FSTL4: variants seen among roughly 807,000 people sequenced by gnomAD.
FSTL4 encodes the protein follistatin like 4, also known as follistatin-related protein 4.
A neutral mutation model predicts 78.2 loss-of-function variants in FSTL4; 28 were observed. The observed-to-expected ratio is 0.36, with a 90% CI of 0.27 to 0.49. FSTL4 has a LOEUF of 0.49. Ranked by LOEUF, FSTL4 falls within the 20% of genes least tolerant of loss-of-function variation. The probability of loss-of-function intolerance (pLI) is 0.98; values close to 1 mark genes in which losing one functional copy is unlikely to be tolerated. For missense variants in FSTL4, 922 were observed against 1,084.9 expected, an observed-to-expected ratio of 0.85 and a Z score of 2.11; for synonymous variants, 422 against 440.5, an observed-to-expected ratio of 0.96 and a Z score of 0.53.
At chr5:133,441,336 C>T (rs977472689) in intron 3 of FSTL4, among the ~76,000 whole-genome samples, 1 of 152,172 alleles carries the variant, frequency 6.6e-6, no homozygotes, top group Non-Finnish European at 1.5e-5. Flanking sequence ...TTGCCCTGTG[C>T]ACTGACCAGA....
the FSTL4 span, among the ~76,000 whole-genome samples, chr5:133,736,621 C>T: frequency 1.3e-5 from 2 of 152,158 alleles, no homozygotes; most frequent in African/African-American, 4.8e-5. Flanking sequence ...AGACAAGAGA[C>T]ACCACGGGTC....
At chr5:133,449,223 C>T (rs767112783) in intron 3 of FSTL4, among the ~76,000 whole-genome samples, 48 of 152,306 alleles carry the variant, frequency 3.2e-4, no homozygotes, top group South Asian at 8.3e-4. Context: ...ACTGCCCCTT[C>T]GCGCCTCACC....
At chr5:133,540,865 C>A (rs1580776858) in intron 3 of FSTL4, among the ~76,000 whole-genome samples, 1 of 151,998 alleles carries the variant, frequency 6.6e-6, no homozygotes, top group Non-Finnish European at 1.5e-5. Flanking sequence ...CCAGAGGTGA[C>A]AATATTATTA....
chr5:133,537,436 G>A (rs977577217), intron 3 of FSTL4, among the ~76,000 whole-genome samples: 1 of 152,128 alleles, frequency 6.6e-6, no homozygotes, highest in African/African-American at 2.4e-5. Flanking sequence ...CATTTTGCAT[G>A]TTGATTTTGT....
chr5:133,791,328 A>G, the FSTL4 span, among the ~76,000 whole-genome samples: 6 of 151,516 alleles, frequency 4.0e-5, no homozygotes, highest in Middle Eastern at 3.4e-3. Context: ...ATCTCATCCT[A>G]CTCATTCTTG....
In FSTL4 at chr5:133,225,477, T is replaced by C. The variant is rs1195326788; in HGVS notation, c.1177+181A>G. On this transcript the variant is annotated intron_variant, in intron 9 of 15. Transcript: ENST00000265342. The surrounding 1 kb of genome is among the most constrained non-coding windows in gnomAD (Gnocchi z 4.6). ...GACCTGAGTGACAGCTTCTCATCAT[T>C]GCTGTCAGAAAGCCCCAAAAGATCT... Among the ~76,000 whole-genome samples, 3 of 152,142 alleles carry C rather than the reference T, an allele frequency of 2.0e-5. No homozygotes were observed. Among genetic ancestry groups the C allele is most frequent in the African/African-American group, 7.2e-5 (3 of 41,418 alleles).
At chr5:133,589,092 C>G (rs2112964227) in intron 2 of FSTL4, among the ~76,000 whole-genome samples, 1 of 40,558 alleles carries the variant, frequency 2.5e-5, no homozygotes, top group Admixed American at 2.7e-4. Flanking sequence ...ACAATGAGAT[C>G]ACATGGACAC....
At chr5:133,533,931 C>T (rs900875129) in intron 3 of FSTL4, among the ~76,000 whole-genome samples, 5 of 152,146 alleles carry the variant, frequency 3.3e-5, no homozygotes, top group African/African-American at 2.4e-5. Context: ...TCCTGCAGTG[C>T]TCCTCATCTA....
chr5:133,426,740 G>A lies in FSTL4; in HGVS notation c.161-25754C>T, dbSNP rs1756827497. Reference sequence around the variant, plus strand: ...CTGTTATTTCCCAGGGAGACAGTCAGCCAGTTCTGCTTTAATAATGCACTG... The same window carrying A: ...CTGTTATTTCCCAGGGAGACAGTCAACCAGTTCTGCTTTAATAATGCACTG... On this transcript the variant is annotated intron_variant, in intron 3 of 15. Coordinates refer to ENST00000265342, the MANE Select transcript of FSTL4 (RefSeq NM_015082.2). The surrounding 1 kb of genome is among the most constrained non-coding windows in gnomAD (Gnocchi z 5.0). 6.6e-6 allele frequency among the ~76,000 whole-genome samples: 1 copy of A among 152,168 alleles called. No individual in the cohort carries two copies. Among genetic ancestry groups the A allele is most frequent in the Admixed American group, 6.5e-5 (1 of 15,280 alleles).
intron 4 of FSTL4, among the ~76,000 whole-genome samples, chr5:133,355,850 A>G (rs767138636): frequency 1.3e-4 from 20 of 152,170 alleles, no homozygotes; most frequent in Middle Eastern, 3.2e-3. Context: ...CACTCCTGAG[A>G]AACTCCTTGA....
intron 6 of FSTL4, among the ~76,000 whole-genome samples, chr5:133,285,129 T>C (rs528650305): frequency 2.0e-5 from 3 of 152,344 alleles, no homozygotes; most frequent in East Asian, 1.9e-4. Flanking sequence ...GCCCCTTCTA[T>C]GCCTGGCTAG....
the FSTL4 span, among the ~76,000 whole-genome samples, chr5:133,778,173 C>T: frequency 2.0e-5 from 3 of 152,184 alleles, no homozygotes; most frequent in Admixed American, 6.5e-5. Context: ...CCAGATGTGC[C>T]CTGTGGATCA....
the FSTL4 span, among the ~76,000 whole-genome samples, chr5:133,725,382 A>G: frequency 6.6e-6 from 1 of 152,202 alleles, no homozygotes; most frequent in Admixed American, 6.5e-5. Flanking sequence ...ATGGCCTATT[A>G]CCAGGATGCA....
At chr5:133,437,756 G>T (rs1264940924) in intron 3 of FSTL4, among the ~76,000 whole-genome samples, 1 of 151,618 alleles carries the variant, frequency 6.6e-6, no homozygotes, top group African/African-American at 2.4e-5. Context: ...CTCCCAAAGT[G>T]CTGGGATTAC....
the FSTL4 span, among the ~76,000 whole-genome samples, chr5:133,690,859 C>T: frequency 4.1e-4 from 63 of 152,314 alleles, no homozygotes; most frequent in Admixed American, 2.9e-3. Flanking sequence ...CCTGCTGCTC[C>T]GTTAACATGG....
At chr5:133,561,032 T>C (rs532479371) in intron 3 of FSTL4, among the ~76,000 whole-genome samples, 1 of 151,000 alleles carries the variant, frequency 6.6e-6, no homozygotes, top group African/African-American at 2.4e-5. Flanking sequence ...GAGCTTGCAG[T>C]GAGCCGAGAT....
chr5:133,567,044 C>T, intron 3 of FSTL4, 142 bp downstream of exon 3: 1 of 693,186 alleles, frequency 1.4e-6, no homozygotes, highest in South Asian at 1.7e-5. Flanking sequence ...CAGACAAGTG[C>T]TAAGCAGTCA....
chr5:133,622,058 C>G, the FSTL4 span, among the ~76,000 whole-genome samples: 3 of 152,124 alleles, frequency 2.0e-5, no homozygotes, highest in Admixed American at 2.0e-4. Flanking sequence ...TCTCCCTCCC[C>G]CCTTATCCCT....
chr5:133,837,213 T>C, the FSTL4 span, among the ~76,000 whole-genome samples: 1 of 152,038 alleles, frequency 6.6e-6, no homozygotes, highest in Non-Finnish European at 1.5e-5. Flanking sequence ...TAATATGCCA[T>C]TAAATCCCTC....
Sources: allele counts gnomAD v4.1 joint callset (sites outside exome capture counted in the v4.1 genomes callset), GRCh38; gene constraint gnomAD v4.1.1; non-coding constraint Gnocchi (gnomAD v3.1); transcripts MANE v1.5; gene names NCBI Gene and HGNC (gene_info 2026-07-23, HGNC 2026-07-21).